The following TRIM2 variants were observed in gnomAD, a reference collection of about 807,000 sequenced individuals.
TRIM2 encodes tripartite motif containing 2.
Under a neutral mutation model 75.2 loss-of-function variants are expected in TRIM2, and 20 were observed. The observed-to-expected ratio is 0.27, with a 90% CI of 0.19 to 0.39. TRIM2 has a LOEUF of 0.39. TRIM2 is among the 10% of genes least tolerant of loss of function. The pLI is 1.00. For synonymous variants in TRIM2, 373 were observed against 388.3 expected (o/e 0.96, Z 0.46); for missense variants, 660 against 990.8 (o/e 0.67, Z 4.48).
chr4:153,224,568 C>CT (rs1741613211), intron 1 of TRIM2, among the ~76,000 whole-genome samples: 1 of 152,188 alleles, frequency 6.6e-6, no homozygotes, highest in African/African-American at 2.4e-5. Flanking sequence ...ATCATGGAAT[C>CT]TAGGATACCA....
At chr4:153,179,900 C>G (rs1471125158) in intron 1 of TRIM2, among the ~76,000 whole-genome samples, 1 of 152,142 alleles carries the variant, frequency 6.6e-6, no homozygotes, top group Non-Finnish European at 1.5e-5. Flanking sequence ...CCCCTCCAGA[C>G]GGAGGACAAT....
chr4:153,253,587 G>A (rs1469290239), intron 1 of TRIM2, among the ~76,000 whole-genome samples: 2 of 152,182 alleles, frequency 1.3e-5, no homozygotes, highest in Non-Finnish European at 1.5e-5. Context: ...AACCTACTGG[G>A]CTGCATTCCC....
intron 1 of TRIM2, among the ~76,000 whole-genome samples, chr4:153,165,547 G>T (rs1186417976): frequency 6.6e-6 from 1 of 152,104 alleles, no homozygotes; most frequent in African/African-American, 2.4e-5. Context: ...TGCCCAGGCT[G>T]GTCTCGAACT....
chr4:153,177,707 C>CTCCTTCCTTCCT (rs60499669), intron 1 of TRIM2, among the ~76,000 whole-genome samples: 25,034 of 133,742 alleles, frequency 0.19, 2,687 homozygotes, highest in Middle Eastern at 0.21. Flanking sequence ...TGGTGGCTCG[C>CTCCTTCCTTCCT]TCCTTCCTTC....
intron 8 of TRIM2, among the ~76,000 whole-genome samples, chr4:153,318,833 G>C (rs1310244646): frequency 1.3e-5 from 2 of 152,100 alleles, no homozygotes; most frequent in Non-Finnish European, 2.9e-5. Context: ...TAGAAGAACT[G>C]GGTTCTTAGA....
chr4:153,325,101 G>T (rs1174870621), intron 10 of TRIM2, among the ~76,000 whole-genome samples: 1 of 152,192 alleles, frequency 6.6e-6, no homozygotes, highest in East Asian at 1.9e-4. Context: ...ACTTATCAGT[G>T]CTAATGACTG....
At chr4:153,186,742 C>T (rs910047083) in intron 1 of TRIM2, among the ~76,000 whole-genome samples, 1 of 152,190 alleles carries the variant, frequency 6.6e-6, no homozygotes, top group African/African-American at 2.4e-5. Context: ...TGAGCCACAC[C>T]CTCACCTGAT....
At chr4:153,299,101 T>C (rs1433999787) in intron 6 of TRIM2, among the ~76,000 whole-genome samples, 1 of 152,120 alleles carries the variant, frequency 6.6e-6, no homozygotes, top group East Asian at 1.9e-4. Context: ...CCCTCTTATT[T>C]AACTAAATTT....
At chr4:153,159,968 A>C (rs1729593962) in intron 1 of TRIM2, among the ~76,000 whole-genome samples, 1 of 152,104 alleles carries the variant, frequency 6.6e-6, no homozygotes, top group Non-Finnish European at 1.5e-5. Flanking sequence ...TTTTCCCACA[A>C]CCCATTATTT....
At chr4:153,204,634 T>A (rs774510873) in intron 1 of TRIM2, 74 bp downstream of exon 1, 1 of 1,533,066 alleles carries the variant, frequency 6.5e-7, no homozygotes, top group African/African-American at 1.4e-5. Flanking sequence ...GAGAAACAAG[T>A]TGTGATTGGG....
intron 10 of TRIM2, among the ~76,000 whole-genome samples, chr4:153,327,635 T>C (rs954074074): frequency 6.6e-6 from 1 of 152,260 alleles, no homozygotes; most frequent in Admixed American, 6.5e-5. Context: ...ATGCTTACTA[T>C]AGTGTTATCA....
At chr4:153,238,691 AG>A (rs1292111672) in intron 1 of TRIM2, among the ~76,000 whole-genome samples, 2 of 152,228 alleles carry the variant, frequency 1.3e-5, no homozygotes, top group African/African-American at 4.8e-5. Flanking sequence ...CCTGGAGCCA[AG>A]AAATGTAGCA....
At chr4:153,192,046 C>T (rs971780372) in intron 1 of TRIM2, among the ~76,000 whole-genome samples, 5 of 152,278 alleles carry the variant, frequency 3.3e-5, no homozygotes, top group African/African-American at 9.6e-5. Context: ...GCCATCTCCA[C>T]GTACCCCTTT....
chr4:153,171,840 C>CTTTTTTTTTTTTTTTTTTTTTTT (rs398064151), intron 1 of TRIM2, among the ~76,000 whole-genome samples: 1 of 114,804 alleles, frequency 8.7e-6, no homozygotes, highest in African/African-American at 3.5e-5. Context: ...CGTTTTGGGG[C>CTTTTTTTTTTTTTTTTTTTTTTT]TTTTTTTTTT....
intron 2 of TRIM2, among the ~76,000 whole-genome samples, chr4:153,273,302 G>C (rs181110577): frequency 0.012 from 891 of 72,498 alleles, 14 homozygotes; most frequent in African/African-American, 0.04. Flanking sequence ...TTGAGACAGA[G>C]TCTCGCTCTG....
chr4:153,299,636 A>G (rs1763453277), intron 6 of TRIM2, among the ~76,000 whole-genome samples: 1 of 152,204 alleles, frequency 6.6e-6, no homozygotes, highest in Admixed American at 6.5e-5. Context: ...TTGTAGTTTC[A>G]GTAAACAACT....
chr4:153,201,531 A>G (rs2149679468), upstream of TRIM2, among the ~76,000 whole-genome samples: 1 of 152,064 alleles, frequency 6.6e-6, no homozygotes, highest in East Asian at 1.9e-4. Context: ...TGTCTTTTGA[A>G]GCACAAAAGG....
At chr4:153,322,304 A>C (rs1206601415) in intron 8 of TRIM2, among the ~76,000 whole-genome samples, 1 of 152,170 alleles carries the variant, frequency 6.6e-6, no homozygotes, top group Non-Finnish European at 1.5e-5. Flanking sequence ...CCAGCTATTC[A>C]GGAGGCTGAG....
intron 1 of TRIM2, among the ~76,000 whole-genome samples, chr4:153,262,826 T>A (rs1391128975): frequency 6.6e-6 from 1 of 152,196 alleles, no homozygotes; most frequent in African/African-American, 2.4e-5. Context: ...AAAGACAGCA[T>A]GGAGGTTAGA....
Sources: allele counts gnomAD v4.1 joint callset (sites outside exome capture counted in the v4.1 genomes callset), GRCh38; gene constraint gnomAD v4.1.1; transcripts MANE v1.5; gene names NCBI Gene and HGNC (gene_info 2026-07-23, HGNC 2026-07-21).